The following RPS6KC1 variants were observed in gnomAD, a reference collection of about 807,000 sequenced individuals.
RPS6KC1 encodes the protein ribosomal protein S6 kinase C1.
RPS6KC1 carries 54 observed loss-of-function variants against 103.8 expected under a neutral mutation model. The observed-to-expected ratio is 0.52, with a 90% confidence interval of 0.42 to 0.65. The LOEUF is 0.65. Ranked by LOEUF, RPS6KC1 falls within the 30% of genes least tolerant of loss-of-function variation. The pLI is 0.00. For missense variants in RPS6KC1, 1,151 were observed against 1,253.8 expected (o/e 0.92, Z 1.24); for synonymous variants, 439 against 438.7 (o/e 1.00, Z -0.01).
chr1:213,052,758 T>G (rs1377437278), intron 1 of RPS6KC1, among the ~76,000 whole-genome samples: 1 of 152,138 alleles, frequency 6.6e-6, no homozygotes, highest in Non-Finnish European at 1.5e-5. Context: ...CTCAGGCTCA[T>G]TTCGAAGTCC....
chr1:213,387,736 A>C, the RPS6KC1 span, among the ~76,000 whole-genome samples: 1 of 152,246 alleles, frequency 6.6e-6, no homozygotes, highest in Non-Finnish European at 1.5e-5. Context: ...GAAGACAATG[A>C]CATAGCATTC....
the RPS6KC1 span, among the ~76,000 whole-genome samples, chr1:213,680,830 C>A: frequency 2.5e-3 from 378 of 152,266 alleles, 1 homozygote; most frequent in African/African-American, 8.9e-3. Flanking sequence ...ACATGTTGCA[C>A]AGACACTCAT....
At position 213,272,830 on chromosome 1, in the gene RPS6KC1, G is replaced by A. The variant is rs1299360603; in HGVS notation, c.*196G>A. On this transcript the variant is annotated 3_prime_UTR_variant, in exon 15 of 15. Coordinates refer to ENST00000366960, the MANE Select transcript of RPS6KC1 (RefSeq NM_012424.6). ...CAAGATATTAGCTAATTGTGCCAGG[G>A]GCTGTTATATACATATATACACAAC... 4.1e-6 allele frequency: 2 copies of A among 488,188 alleles called. No individual in the cohort carries two copies. The highest frequency in any genetic ancestry group is 7.5e-6 in the Non-Finnish European group (2 of 265,076). The allele number at this position is 488,188 out of a possible 1,614,324, so 30.2% of individuals were successfully genotyped here. A position where few individuals can be genotyped will look rare whatever the true frequency, so the allele number is the denominator to read the frequency against.
At chr1:213,486,077 T>C in the RPS6KC1 span, among the ~76,000 whole-genome samples, 3 of 152,194 alleles carry the variant, frequency 2.0e-5, no homozygotes, top group Non-Finnish European at 4.4e-5. Context: ...GAGTTCACTC[T>C]CCTCTCTCCT....
chr1:213,374,881 G>A, the RPS6KC1 span, among the ~76,000 whole-genome samples: 309 of 152,326 alleles, frequency 2.0e-3, no homozygotes, highest in African/African-American at 6.7e-3. Context: ...CTCCAGGAAC[G>A]TGTGTGATGG....
At chr1:213,632,556 G>A in the RPS6KC1 span, among the ~76,000 whole-genome samples, 2 of 152,328 alleles carry the variant, frequency 1.3e-5, no homozygotes, top group East Asian at 3.9e-4. Context: ...CAACATCAAA[G>A]ACCAAAGGTA....
chr1:213,155,714 C>T (rs879650691), intron 6 of RPS6KC1, among the ~76,000 whole-genome samples: 1 of 152,084 alleles, frequency 6.6e-6, no homozygotes, highest in Non-Finnish European at 1.5e-5. Context: ...GAAGTTAAAA[C>T]CAGGTACTAT....
chr1:213,727,287 C>T, the RPS6KC1 span, among the ~76,000 whole-genome samples: 5 of 152,170 alleles, frequency 3.3e-5, no homozygotes. Context: ...CCGAAACTCA[C>T]AGGTCATCAT....
At chr1:213,206,318 T>C (rs186757915) in intron 8 of RPS6KC1, among the ~76,000 whole-genome samples, 207 of 152,348 alleles carry the variant, frequency 1.4e-3, no homozygotes, top group Middle Eastern at 3.4e-3. Context: ...TCTTGTGGTC[T>C]ATCTACAGTG....
chr1:213,360,937 A>G, the RPS6KC1 span, among the ~76,000 whole-genome samples: 1 of 152,102 alleles, frequency 6.6e-6, no homozygotes, highest in Non-Finnish European at 1.5e-5. Flanking sequence ...TCAGAGGGCT[A>G]CTCGGCTGCG....
At chr1:213,326,310 C>T in the RPS6KC1 span, among the ~76,000 whole-genome samples, 1 of 152,170 alleles carries the variant, frequency 6.6e-6, no homozygotes, top group East Asian at 1.9e-4. Flanking sequence ...CAATAAACAG[C>T]ACTTTTTTCT....
At chr1:213,621,699 T>A in the RPS6KC1 span, among the ~76,000 whole-genome samples, 1 of 152,174 alleles carries the variant, frequency 6.6e-6, no homozygotes, top group Non-Finnish European at 1.5e-5. Context: ...TTGTAGGGCC[T>A]AATGCAAAGT....
At chr1:213,118,528 G>A (rs1032241305) in intron 5 of RPS6KC1, among the ~76,000 whole-genome samples, 4 of 151,884 alleles carry the variant, frequency 2.6e-5, no homozygotes, top group Non-Finnish European at 5.9e-5. Context: ...TTTTTGTGAG[G>A]GTATGTACTC....
At chr1:213,780,212 A>C in the RPS6KC1 span, among the ~76,000 whole-genome samples, 1 of 152,224 alleles carries the variant, frequency 6.6e-6, no homozygotes, top group South Asian at 2.1e-4. Context: ...GTATAGATTT[A>C]TCTCTCATGG....
chr1:213,328,820 A>T, the RPS6KC1 span, among the ~76,000 whole-genome samples: 4 of 152,112 alleles, frequency 2.6e-5, no homozygotes, highest in African/African-American at 9.7e-5. Context: ...GTGAAATGCC[A>T]GGGTGGTCCC....
At chr1:213,616,906 C>T in the RPS6KC1 span, among the ~76,000 whole-genome samples, 2 of 152,156 alleles carry the variant, frequency 1.3e-5, no homozygotes, top group Non-Finnish European at 2.9e-5. Flanking sequence ...TCTGGAGGCA[C>T]AAAGGCCTGC....
intron 6 of RPS6KC1, among the ~76,000 whole-genome samples, chr1:213,151,429 G>C (rs1299010057): frequency 3.0e-5 from 4 of 131,858 alleles, no homozygotes; most frequent in South Asian, 2.5e-4. Context: ...GCCGGGCAGA[G>C]GCGCCCCTCA....
At chr1:213,541,064 G>A in the RPS6KC1 span, among the ~76,000 whole-genome samples, 357 of 128,292 alleles carry the variant, frequency 2.8e-3, 3 homozygotes, top group African/African-American at 9.4e-3. Context: ...CTGAAGTTTC[G>A]AACCCTCAAA....
intron 4 of RPS6KC1, among the ~76,000 whole-genome samples, chr1:213,110,847 C>G (rs2082955274): frequency 6.6e-6 from 1 of 152,018 alleles, no homozygotes; most frequent in African/African-American, 2.4e-5. Flanking sequence ...GCTGTCTGGT[C>G]TTTTCCTGAC....
Sources: gnomAD v4.1 joint callset for allele counts (sites outside exome capture counted in the v4.1 genomes callset) on GRCh38, gnomAD v4.1.1 for gene constraint, MANE v1.5 for transcripts, NCBI Gene and HGNC (gene_info 2026-07-23, HGNC 2026-07-21) for gene names.